GALM: variants seen among roughly 807,000 people sequenced by gnomAD.
GALM encodes the protein galactose mutarotase, also known as aldose 1-epimerase.
A neutral mutation model predicts 37.4 loss-of-function variants in GALM; 43 were observed. The ratio of observed to expected loss-of-function variants is 1.15; its 90% CI spans 0.90 to 1.48. The LOEUF is 1.48. GALM is among the 40% of genes most tolerant of loss of function. The pLI, the probability that GALM is intolerant of heterozygous loss-of-function variation, is 0.00. For missense variants in GALM, 456 were observed against 419.1 expected (o/e 1.09, Z -0.77); for synonymous variants, 199 against 170.6 (o/e 1.17, Z -1.30).
intron 3 of GALM, among the ~76,000 whole-genome samples, chr2:38,683,693 A>G (rs13016907): frequency 6.6e-6 from 1 of 151,784 alleles, no homozygotes; most frequent in South Asian, 2.1e-4. Flanking sequence ...CAGCTTCCCT[A>G]GTAGCTGGGA....
intron 4 of GALM, among the ~76,000 whole-genome samples, chr2:38,722,226 T>A (rs114329610): frequency 8.2e-4 from 125 of 152,074 alleles, no homozygotes; most frequent in African/African-American, 2.9e-3. Flanking sequence ...ATCACCCCTT[T>A]GCACACACTC....
At chr2:38,680,103 C>T (rs1158340900) in intron 2 of GALM, 1 of 452,000 alleles carries the variant, frequency 2.2e-6, no homozygotes. Context: ...ACTGCAGCCT[C>T]AACCTCCTGG....
At chr2:38,681,144 TC>T in intron 2 of GALM, 135 bp from the exon 3 acceptor site, 1 of 723,504 alleles carries the variant, frequency 1.4e-6, no homozygotes, top group Non-Finnish European at 2.4e-6. Context: ...AAAAAAAAAA[TC>T]CAGGCTATCA....
chr2:38,681,737 C>G (rs373210908), intron 3 of GALM, among the ~76,000 whole-genome samples: 3 of 152,240 alleles, frequency 2.0e-5, no homozygotes, highest in African/African-American at 7.2e-5. Context: ...CTAGCTGTTT[C>G]AAGAACTCCC....
chr2:38,720,045 A>AT (rs1449020012), intron 4 of GALM, among the ~76,000 whole-genome samples: 2 of 151,580 alleles, frequency 1.3e-5, no homozygotes, highest in African/African-American at 2.4e-5. Context: ...CTACTAAAAA[A>AT]AATAATAATA....
At position 38,733,713 on chromosome 2, in the gene GALM, T is replaced by C. The variant is rs1033159550; in HGVS notation, c.*148T>C. 3.3e-5 allele frequency: 22 copies of C among 675,288 alleles called. No individual in the cohort carries two copies. Among genetic ancestry groups the C allele is most frequent in the African/African-American group, 1.6e-4 (9 of 55,876 alleles). 41.8% of individuals were successfully genotyped at this position (675,288 alleles called of 1,614,324 possible). A position where few individuals can be genotyped will look rare whatever the true frequency, so the allele number is the denominator to read the frequency against. ...GCTGTTCTGAGAATCAGTCTGGGTA[T>C]TGATTTCCTTTTCCAGTGACTGGCT... is the stretch of plus-strand genomic sequence containing the variant. On this transcript the variant is annotated 3_prime_UTR_variant, in exon 7 of 7. Transcript: ENST00000272252.
chr2:38,729,411 C>T (rs1284139429), intron 4 of GALM, 145 bp from the exon 5 acceptor site: 1 of 480,200 alleles, frequency 2.1e-6, no homozygotes, highest in Non-Finnish European at 3.5e-6. Context: ...GGGGTCTCTG[C>T]ATGTTTCCCA....
chr2:38,729,534 G>A, intron 4 of GALM, 22 bp from the exon 5 acceptor site: 1 of 1,610,252 alleles, frequency 6.2e-7, no homozygotes, highest in South Asian at 1.1e-5. Context: ...TATCACCTTT[G>A]TTTTCTGTCT....
chr2:38,703,094 T>TATATATA (rs1558588767), intron 4 of GALM, among the ~76,000 whole-genome samples: 8 of 8,098 alleles, frequency 9.9e-4, no homozygotes, highest in Non-Finnish European at 1.2e-3. Context: ...ATATATATAT[T>TATATATA]TTTTTTTTTT....
intron 4 of GALM, among the ~76,000 whole-genome samples, chr2:38,723,643 A>G (rs1406862770): frequency 6.6e-6 from 1 of 151,928 alleles, no homozygotes; most frequent in East Asian, 1.9e-4. Flanking sequence ...TTTAAAAATT[A>G]TAGCTGGTGT....
At chr2:38,729,400 T>A (rs1053671141) in intron 4 of GALM, among the ~76,000 whole-genome samples, 156 bp from the exon 5 acceptor site, 2 of 152,124 alleles carry the variant, frequency 1.3e-5, no homozygotes, top group African/African-American at 4.8e-5. Context: ...TTGGTAGAGA[T>A]GGGGTCTCTG....
chr2:38,715,731 C>T (rs1666257857), intron 4 of GALM, among the ~76,000 whole-genome samples: 1 of 152,224 alleles, frequency 6.6e-6, no homozygotes, highest in African/African-American at 2.4e-5. Context: ...CCGTGTCCGG[C>T]CTGCAATCGA....
intron 6 of GALM, 50 bp downstream of exon 6, chr2:38,731,959 C>G: frequency 6.9e-7 from 1 of 1,440,114 alleles, no homozygotes; most frequent in Non-Finnish European, 9.7e-7. Flanking sequence ...CAAGGTCACA[C>G]TGTACGACAG....
chr2:38,666,440 G>C, intron 1 of GALM, 89 bp downstream of exon 1: 3 of 1,030,060 alleles, frequency 2.9e-6, no homozygotes, highest in Non-Finnish European at 4.2e-6. Flanking sequence ...CAATGCGAGG[G>C]ACCAAGGGGG....
chr2:38,726,320 G>A (rs1023056179), intron 4 of GALM, among the ~76,000 whole-genome samples: 4 of 149,486 alleles, frequency 2.7e-5, no homozygotes, highest in Non-Finnish European at 5.9e-5. Flanking sequence ...TCCGCCTCCC[G>A]GGTTCACGCC....
chr2:38,732,037 T>G (rs1666619352), intron 6 of GALM, 128 bp downstream of exon 6: 2 of 843,426 alleles, frequency 2.4e-6, no homozygotes, highest in Non-Finnish European at 3.7e-6. Flanking sequence ...GTTTGTTTTT[T>G]GAGACAGAGT....
At chr2:38,703,802 C>A (rs1266645486) in intron 4 of GALM, among the ~76,000 whole-genome samples, 1 of 152,046 alleles carries the variant, frequency 6.6e-6, no homozygotes, top group Non-Finnish European at 1.5e-5. Flanking sequence ...TGCCTGAGAT[C>A]AGGAGTTCGA....
chr2:38,733,813 C>T lies in GALM; in HGVS notation c.*248C>T. The T allele has an allele frequency of 2.1e-6, 1 of 485,242 alleles. No homozygotes were observed. Among genetic ancestry groups the T allele is most frequent in the South Asian group, 2.1e-5 (1 of 48,544 alleles). The allele number at this position is 485,242 out of a possible 1,614,324, so 30.1% of individuals were successfully genotyped here. A position where few individuals can be genotyped will look rare whatever the true frequency, so the allele number is the denominator to read the frequency against. On this transcript the variant is annotated 3_prime_UTR_variant, in exon 7 of 7. Coordinates refer to ENST00000272252, the MANE Select transcript of GALM (RefSeq NM_138801.3). ...AAGTGAACCCAACCAACAATGTCGT[C>T]ATCTAAGCCCTGACCCTAGCCAGGG...
chr2:38,698,064 C>T (rs926849264), intron 4 of GALM, among the ~76,000 whole-genome samples: 1 of 152,020 alleles, frequency 6.6e-6, no homozygotes, highest in Non-Finnish European at 1.5e-5. Context: ...TTGCTTCAGC[C>T]TCCCAATTAG....
Sources: allele counts gnomAD v4.1 joint callset (sites outside exome capture counted in the v4.1 genomes callset), GRCh38; gene constraint gnomAD v4.1.1; transcripts MANE v1.5; gene names NCBI Gene and HGNC (gene_info 2026-07-23, HGNC 2026-07-21).